The following TMEM108 variants were observed in gnomAD, a reference collection of about 807,000 sequenced individuals.
TMEM108 encodes the protein transmembrane protein 108.
Under a neutral mutation model 35.1 loss-of-function variants are expected in TMEM108, and 12 were observed. That is an observed-to-expected ratio of 0.34 (90% CI 0.22 to 0.55). The LOEUF is 0.55. Ranked by LOEUF, TMEM108 falls within the 20% of genes least tolerant of loss-of-function variation. The pLI, the probability that TMEM108 is intolerant of heterozygous loss-of-function variation, is 0.89. For missense variants in TMEM108, 680 were observed against 753.3 expected (o/e 0.90, Z 1.14); for synonymous variants, 287 against 308.6 (o/e 0.93, Z 0.73).
chr3:133,041,023 G>A (rs1943269528), intron 1 of TMEM108, among the ~76,000 whole-genome samples: 1 of 152,180 alleles, frequency 6.6e-6, no homozygotes, highest in Non-Finnish European at 1.5e-5. Flanking sequence ...GACACATGCT[G>A]TAAGATACAG....
At chr3:133,288,082 A>G (rs556279116) in intron 3 of TMEM108, among the ~76,000 whole-genome samples, 1 of 152,304 alleles carries the variant, frequency 6.6e-6, no homozygotes, top group South Asian at 2.1e-4. Flanking sequence ...GTTAATAAAA[A>G]AGAGCATTTG....
chr3:133,291,272 G>C (rs1295771582), intron 3 of TMEM108, among the ~76,000 whole-genome samples: 2 of 141,676 alleles, frequency 1.4e-5, no homozygotes, highest in African/African-American at 2.5e-5. Flanking sequence ...TTTTTTTTCT[G>C]TTGTTGTCGT....
At chr3:133,206,665 C>T (rs1198967944) in intron 2 of TMEM108, among the ~76,000 whole-genome samples, 2 of 152,246 alleles carry the variant, frequency 1.3e-5, no homozygotes, top group Admixed American at 1.3e-4. Context: ...CCTGTTCCTT[C>T]CTCTGGAAGC....
chr3:133,167,424 A>G (rs1005926565), intron 2 of TMEM108, among the ~76,000 whole-genome samples: 1 of 152,232 alleles, frequency 6.6e-6, no homozygotes, highest in South Asian at 2.1e-4. Flanking sequence ...TGGGCGGTCC[A>G]TGGGACTGGC....
At chr3:133,370,426 G>A (rs997836752) in intron 3 of TMEM108, among the ~76,000 whole-genome samples, 1 of 152,132 alleles carries the variant, frequency 6.6e-6, no homozygotes, top group Non-Finnish European at 1.5e-5. Context: ...CATATCAAGG[G>A]TACATATTGT....
At chr3:133,098,957 A>T (rs1358774913) in intron 2 of TMEM108, among the ~76,000 whole-genome samples, 1 of 152,048 alleles carries the variant, frequency 6.6e-6, no homozygotes, top group Non-Finnish European at 1.5e-5. Context: ...CCCTCTTCTC[A>T]CAGCTCCACT....
intron 2 of TMEM108, among the ~76,000 whole-genome samples, chr3:133,079,965 G>A (rs1943789162): frequency 6.6e-6 from 1 of 152,146 alleles, no homozygotes; most frequent in African/African-American, 2.4e-5. Flanking sequence ...AATGCTTGGG[G>A]TGTGAGATCT....
intron 3 of TMEM108, among the ~76,000 whole-genome samples, chr3:133,272,145 A>G (rs936694430): frequency 3.9e-5 from 6 of 152,096 alleles, no homozygotes; most frequent in Non-Finnish European, 8.8e-5. Flanking sequence ...CAAATAGGAT[A>G]TTCCCTCCCA....
chr3:133,107,455 GGTGTGTGTGTGTGTGT>G (rs59305794), intron 2 of TMEM108, among the ~76,000 whole-genome samples: 1,865 of 143,602 alleles, frequency 0.013, 47 homozygotes, highest in African/African-American at 0.047. Flanking sequence ...AAGTGTATGT[GGTGTGTGTGTGTGTGT>G]GTGTGTGTGT....
At chr3:133,243,146 G>T (rs1946336231) in intron 3 of TMEM108, among the ~76,000 whole-genome samples, 2 of 152,148 alleles carry the variant, frequency 1.3e-5, no homozygotes, top group African/African-American at 4.8e-5. Context: ...GATGGTAATT[G>T]TTCAGATTCC....
At position 133,251,680 on chromosome 3, in the gene TMEM108, A is replaced by G. The variant is rs77618894; in HGVS notation, c.40+22329A>G. Among the ~76,000 whole-genome samples the G allele has an allele frequency of 7.9e-3, 1,202 of 152,252 alleles. 6 individuals are homozygous for G. The highest frequency in any genetic ancestry group is 0.013 in the Non-Finnish European group (866 of 67,984). ...ATCCTCCTCTGACTAGAAGTGATAC[A>G]TATAAATTTTTGCTCCTATCCCACT... On this transcript the variant is annotated intron_variant, in intron 3 of 5. Coordinates refer to ENST00000321871, the MANE Select transcript of TMEM108 (RefSeq NM_023943.4).
intron 3 of TMEM108, among the ~76,000 whole-genome samples, chr3:133,251,203 G>A (rs1946464886): frequency 1.3e-5 from 2 of 152,100 alleles, no homozygotes; most frequent in Admixed American, 1.3e-4. Context: ...TGTTATATGT[G>A]CAAGTATTAT....
intron 3 of TMEM108, among the ~76,000 whole-genome samples, chr3:133,276,844 C>T (rs916233312): frequency 2.0e-5 from 3 of 152,166 alleles, no homozygotes; most frequent in Admixed American, 6.5e-5. Flanking sequence ...CTGTAAACAG[C>T]GTCATTCCCA....
At chr3:133,344,062 G>A (rs2071743564) in intron 3 of TMEM108, among the ~76,000 whole-genome samples, 1 of 151,802 alleles carries the variant, frequency 6.6e-6, no homozygotes, top group East Asian at 1.9e-4. Context: ...GTGCCAAAAG[G>A]TTGGGAACCA....
chr3:133,390,029 T>C, intron 4 of TMEM108, 151 bp from the exon 5 acceptor site: 1 of 890,564 alleles, frequency 1.1e-6, no homozygotes, highest in Non-Finnish European at 1.7e-6. Context: ...TCTGTGGAAT[T>C]AAGGCTCACT....
chr3:133,126,089 T>G (rs1254007630), intron 2 of TMEM108, among the ~76,000 whole-genome samples: 1 of 152,204 alleles, frequency 6.6e-6, no homozygotes, highest in African/African-American at 2.4e-5. Context: ...AGAAAGACTA[T>G]CCTTGGGCTT....
chr3:133,139,274 A>G (rs568295187), intron 2 of TMEM108, among the ~76,000 whole-genome samples: 1 of 152,346 alleles, frequency 6.6e-6, no homozygotes, highest in East Asian at 1.9e-4. Context: ...TTGGATATAT[A>G]CCCAGTAATG....
intron 3 of TMEM108, among the ~76,000 whole-genome samples, chr3:133,316,428 A>G (rs2071200128): frequency 1.3e-5 from 2 of 152,186 alleles, no homozygotes; most frequent in South Asian, 2.1e-4. Flanking sequence ...TGAAGAGGCT[A>G]TATCTTTAGC....
intron 3 of TMEM108, among the ~76,000 whole-genome samples, chr3:133,317,477 A>C (rs2071213637): frequency 6.6e-6 from 1 of 152,228 alleles, no homozygotes; most frequent in African/African-American, 2.4e-5. Context: ...TGGGTAATAG[A>C]TTTACACATT....
Sources: allele counts gnomAD v4.1 joint callset (sites outside exome capture counted in the v4.1 genomes callset), GRCh38; gene constraint gnomAD v4.1.1; transcripts MANE v1.5; gene names NCBI Gene and HGNC (gene_info 2026-07-23, HGNC 2026-07-21).